The following ARHGEF11 variants were observed in gnomAD, a reference collection of about 807,000 sequenced individuals.
ARHGEF11 encodes Rho guanine exchange factor (GEF) 11.
ARHGEF11 carries 55 observed loss-of-function variants against 193.7 expected under a neutral mutation model. That is an observed-to-expected ratio of 0.28 (90% CI 0.23 to 0.36). The LOEUF is 0.36. Among genes scored for constraint, ARHGEF11 ranks in the 10% least tolerant of loss-of-function variants. The probability of loss-of-function intolerance (pLI) is 1.00; values close to 1 mark genes in which losing one functional copy is unlikely to be tolerated. For missense variants in ARHGEF11, 1,723 were observed against 2,005.6 expected (o/e 0.86, Z 2.69); for synonymous variants, 693 against 768.0 (o/e 0.90, Z 1.62).
upstream of ARHGEF11, among the ~76,000 whole-genome samples, chr1:157,046,334 C>T (rs1673325738): frequency 1.3e-5 from 2 of 152,198 alleles, no homozygotes; most frequent in Admixed American, 1.3e-4. Context: ...TTGTTTCCTA[C>T]CCCCTGCCCG....
rs115415771 is a variant in ARHGEF11 at position 157,003,485 on chromosome 1, T to C, written c.33-17312A>G. 8.6e-3 allele frequency among the ~76,000 whole-genome samples: 1,306 copies of C among 152,330 alleles called. 15 individuals are homozygous for C. The highest frequency in any genetic ancestry group is 0.012 in the Non-Finnish European group (832 of 68,020). The stretch of plus-strand genomic sequence containing the variant: ...TAACATACACTAAGCATCTGCTGAG[T>C]AGCAGGTGTTGTGCCAGATAGTATC... On this transcript the variant is annotated intron_variant, in intron 1 of 40. Coordinates refer to ENST00000368194, the MANE Select transcript of ARHGEF11 (RefSeq NM_198236.3).
At position 156,938,529 on chromosome 1, in the gene ARHGEF11, C is replaced by G. The variant is rs373167457; in HGVS notation, c.4097-16G>C. The G allele has an allele frequency of 1.2e-6, 2 of 1,610,478 alleles. No homozygotes were observed. The highest frequency in any genetic ancestry group is 1.7e-6 in the Non-Finnish European group (2 of 1,177,636). ...GCCACCTCAGCTGCACCGACACCACCACCACCAGGAAGAGGAGAGACCAAA... is the reference window on the plus strand; with the variant it reads ...GCCACCTCAGCTGCACCGACACCACGACCACCAGGAAGAGGAGAGACCAAA... On this transcript the variant is annotated splice_polypyrimidine_tract_variant and intron_variant, in intron 37 of 40. Coordinates refer to ENST00000368194, the MANE Select transcript of ARHGEF11 (RefSeq NM_198236.3).
In ARHGEF11 at chr1:156,971,750, G is replaced by A. The variant is rs761209157; in HGVS notation, c.649C>T (p.Arg217Trp). 5.6e-6 allele frequency: 9 copies of A among 1,613,818 alleles called. No homozygotes were observed. Among genetic ancestry groups the A allele is most frequent in the African/African-American group, 2.7e-5 (2 of 74,892 alleles). ...LLEEQIEGARRRVTQLQLKIQ... is the reference protein window; with the variant it reads ...LLEEQIEGARWRVTQLQLKIQ... ...TTCAGCTGTAACTGAGTGACTCGCC[G>A]CCGGGCACCTTCGATCTGCTCTTCC... Residue 217 changes from arginine (R) to tryptophan (W), a missense_variant, in exon 8 of 41, where the codon CGG (arginine) becomes TGG (tryptophan). By Grantham distance (101) the Arg-to-Trp change is moderately radical. Transcript: ENST00000368194.
At chr1:156,971,902 T>C (rs759590839) in intron 7 of ARHGEF11, 86 bp from the exon 8 acceptor site, 351 of 1,454,112 alleles carry the variant, frequency 2.4e-4, no homozygotes, top group Non-Finnish European at 3.2e-4. Context: ...GTGGGGAGAA[T>C]AGGCAGTTAT....
intron 8 of ARHGEF11, 74 bp downstream of exon 8, chr1:156,971,623 C>T (rs1662494105): frequency 9.1e-6 from 14 of 1,543,072 alleles, no homozygotes; most frequent in Non-Finnish European, 1.2e-5. Flanking sequence ...AGCCTTCTGT[C>T]CTTGCTTTTT....
chr1:156,949,112 T>C, intron 22 of ARHGEF11: 1 of 985,286 alleles, frequency 1.0e-6, no homozygotes, highest in East Asian at 1.1e-4. Flanking sequence ...GTTCCATTCT[T>C]ATCTTAACAA....
At chr1:157,032,095 T>C (rs191814801) in intron 1 of ARHGEF11, among the ~76,000 whole-genome samples, 206 of 152,336 alleles carry the variant, frequency 1.4e-3, no homozygotes, top group African/African-American at 4.7e-3. Context: ...GCTTTAATTT[T>C]GAAATTACAA....
In ARHGEF11 at chr1:157,039,115, A is replaced by G. The variant is rs540786966; in HGVS notation, c.32+5184T>C. Among the ~76,000 whole-genome samples the G allele has an allele frequency of 3.9e-5, 6 of 152,156 alleles. 1 individual carries two copies. In the South Asian group the frequency reaches 1.2e-3, roughly 32 times the overall value. On this transcript the variant is annotated intron_variant, in intron 1 of 40. Coordinates refer to ENST00000368194, the MANE Select transcript of ARHGEF11 (RefSeq NM_198236.3). Reference sequence around the variant, plus strand: ...CCTCCCCATGTTTCCATGTCCCTGTACTTCCATCTTCTCTCCCATTTGATC... The same window carrying G: ...CCTCCCCATGTTTCCATGTCCCTGTGCTTCCATCTTCTCTCCCATTTGATC...
At position 156,940,354 on chromosome 1, in the gene ARHGEF11, C is replaced by T. The variant is rs1446406820; in HGVS notation, c.3586G>A (p.Ala1196Thr). Residue 1196 changes from alanine (A) to threonine (T), a missense_variant, in exon 36 of 41, where the codon GCA becomes ACA. Ala to Thr is a moderately conservative substitution (Grantham distance 58). Around this residue, in one of 5 missense-constraint regions of ARHGEF11, gnomAD observed 203 missense variants for 237.3 expected, o/e 0.86. Coordinates refer to ENST00000368194, the MANE Select transcript of ARHGEF11 (RefSeq NM_198236.3). ...AGGACACCCAGTTCCTCTTCCTCTG[C>T]ACTGCCCTCCTGCTCAGGGTCCTCT... ...LLEDPEQEGS[A>T]EEEELGVLPC... 1 of 1,613,706 alleles carries T rather than the reference C, an allele frequency of 6.2e-7. No homozygotes were observed. The highest frequency in any genetic ancestry group is 1.3e-5 in the African/African-American group (1 of 74,926).
intron 1 of ARHGEF11, among the ~76,000 whole-genome samples, chr1:157,032,580 C>G (rs766523576): frequency 2.0e-5 from 3 of 152,292 alleles, no homozygotes; most frequent in East Asian, 1.9e-4. Context: ...TAGGGCAATA[C>G]ATCCCTACCT....
intron 40 of ARHGEF11, among the ~76,000 whole-genome samples, chr1:156,936,497 A>ATATATATATATATATATATAT (rs1553192805): frequency 5.9e-5 from 2 of 33,938 alleles, no homozygotes; most frequent in African/African-American, 1.5e-4. Context: ...AAAAAAAAAA[A>ATATATATATATATATATATAT]ATATATATAT....
chr1:156,944,959 C>G, intron 30 of ARHGEF11, 60 bp downstream of exon 30: 1 of 1,573,902 alleles, frequency 6.4e-7, no homozygotes, highest in Non-Finnish European at 8.6e-7. Context: ...GACCAGTGTT[C>G]TGCTCCTAAG....
intron 15 of ARHGEF11, among the ~76,000 whole-genome samples, chr1:156,959,701 T>C (rs1660502324): frequency 6.6e-6 from 1 of 152,226 alleles, no homozygotes; most frequent in South Asian, 2.1e-4. Context: ...CCGTCACATG[T>C]GCCCGTAAAT....
At chr1:156,947,080 CAG>C (rs1658277034) in intron 26 of ARHGEF11, 65 bp from the exon 27 acceptor site, 32 of 1,592,114 alleles carry the variant, frequency 2.0e-5, no homozygotes, top group Admixed American at 1.2e-4. Flanking sequence ...ACCTTTCTGA[CAG>C]AGAGAAGTGA....
chr1:156,943,494 A>G (rs905795702), intron 32 of ARHGEF11, among the ~76,000 whole-genome samples: 5 of 152,200 alleles, frequency 3.3e-5, no homozygotes, highest in Non-Finnish European at 5.9e-5. Flanking sequence ...TCTCACACAC[A>G]CTACACTTCT....
intron 2 of ARHGEF11, 59 bp from the exon 3 acceptor site, chr1:156,984,496 G>A: frequency 7.6e-7 from 1 of 1,314,644 alleles, no homozygotes; most frequent in Non-Finnish European, 1.1e-6. Flanking sequence ...GTGTACACAT[G>A]CCAAGACCAA....
chr1:156,960,675 A>C (rs1660698934), intron 14 of ARHGEF11, among the ~76,000 whole-genome samples: 1 of 152,150 alleles, frequency 6.6e-6, no homozygotes, highest in Non-Finnish European at 1.5e-5. Flanking sequence ...AGCTGGTACT[A>C]TATTCTGAGG....
At chr1:156,979,611 G>A (rs779695401) in intron 4 of ARHGEF11, among the ~76,000 whole-genome samples, 10 of 152,108 alleles carry the variant, frequency 6.6e-5, no homozygotes, top group Non-Finnish European at 1.2e-4. Flanking sequence ...TGATCCGCCC[G>A]TCTTGGCCTC....
In ARHGEF11 at chr1:156,959,139, G is replaced by A. The variant is rs748426735; in HGVS notation, c.1286C>T (p.Ser429Leu). ...GGCATCTTCGCTGTTCCGCAGGCGC[G>A]AGTCTGTAGTGGGAGATCAGAGAAA... ...IPEMLQAEID[S>L]RLRNSEDARG... The change falls in exon 16 of 41, where the codon TCG (serine) becomes TTG (leucine). Residue 429 changes from serine (S) to leucine (L), a missense_variant. Ser to Leu is a moderately radical substitution (Grantham distance 145, BLOSUM62 -2). Coordinates refer to ENST00000368194, the MANE Select transcript of ARHGEF11 (RefSeq NM_198236.3). 7.4e-6 allele frequency: 12 copies of A among 1,614,056 alleles called. No homozygotes were observed. Among genetic ancestry groups the A allele is most frequent in the Admixed American group, 3.3e-5 (2 of 60,018 alleles).
Sources: allele counts gnomAD v4.1 joint callset (sites outside exome capture counted in the v4.1 genomes callset), GRCh38; gene constraint gnomAD v4.1.1; regional missense constraint gnomAD v4.1.1; transcripts MANE v1.5; gene names NCBI Gene and HGNC (gene_info 2026-07-23, HGNC 2026-07-21).